The following CLASP2 variants were observed in gnomAD, a reference collection of about 807,000 sequenced individuals.
CLASP2 encodes cytoplasmic linker associated protein 2.
CLASP2 carries 47 observed loss-of-function variants against 194.4 expected under a neutral mutation model. The observed-to-expected ratio is 0.24, with a 90% CI of 0.19 to 0.31. CLASP2 has a LOEUF of 0.31. CLASP2 is among the 10% of genes least tolerant of loss of function. The probability of loss-of-function intolerance (pLI) is 1.00; values close to 1 mark genes in which losing one functional copy is unlikely to be tolerated. For missense variants in CLASP2, 1,445 were observed against 1,823.6 expected (o/e 0.79, Z 3.78); for synonymous variants, 619 against 633.5 (o/e 0.98, Z 0.34).
chr3:33,568,265 C>T (rs1229781198), intron 26 of CLASP2, among the ~76,000 whole-genome samples: 1 of 151,934 alleles, frequency 6.6e-6, no homozygotes, highest in Admixed American at 6.6e-5. Flanking sequence ...AATTATATAA[C>T]CACATGGTCA....
At chr3:33,671,534 T>G (rs1354149700) in intron 6 of CLASP2, among the ~76,000 whole-genome samples, 2 of 152,192 alleles carry the variant, frequency 1.3e-5, no homozygotes, top group Non-Finnish European at 2.9e-5. Context: ...AGGTGATTTC[T>G]GCATTTCCAT....
rs576114006 is a variant in CLASP2, at chr3:33,704,197, G to C, written c.196-7264C>G. Among the ~76,000 whole-genome samples the C allele has an allele frequency of 1.6e-4, 24 of 150,128 alleles. No homozygotes were observed. In the South Asian group the frequency reaches 4.3e-3, roughly 27 times the overall value. On this transcript the variant is annotated intron_variant, in intron 1 of 38. Coordinates refer to ENST00000682230, the MANE Select transcript of CLASP2 (RefSeq NM_001365631.1). ...AAACCTATAGCATGTACAACACTTA[G>C]AGTGAAGCCTAATGTAAACTGTGGA...
intron 1 of CLASP2, among the ~76,000 whole-genome samples, chr3:33,699,168 AT>A (rs1425290945): frequency 2.0e-5 from 3 of 152,230 alleles, no homozygotes; most frequent in African/African-American, 7.2e-5. Flanking sequence ...GTTCATACAA[AT>A]TACTCAAATT....
chr3:33,713,655 C>T (rs528070822), intron 1 of CLASP2, among the ~76,000 whole-genome samples: 5 of 152,046 alleles, frequency 3.3e-5, no homozygotes, highest in Non-Finnish European at 7.4e-5. Flanking sequence ...CACTACATAG[C>T]GCTACATAGT....
At chr3:33,632,532 A>C (rs1048503335) in intron 8 of CLASP2, among the ~76,000 whole-genome samples, 161 bp from the exon 9 acceptor site, 1 of 152,228 alleles carries the variant, frequency 6.6e-6, no homozygotes, top group Non-Finnish European at 1.5e-5. Flanking sequence ...AACTTTCAGA[A>C]AGGTCAATGT....
At chr3:33,603,940 A>G (rs975709754) in intron 17 of CLASP2, among the ~76,000 whole-genome samples, 1 of 152,220 alleles carries the variant, frequency 6.6e-6, no homozygotes, top group Admixed American at 6.5e-5. Context: ...AATTGAAAAC[A>G]GAGTGCATCA....
At chr3:33,504,565 C>G (rs2047629025) in intron 37 of CLASP2, 1 of 152,206 alleles carries the variant, frequency 6.6e-6, no homozygotes, top group African/African-American at 2.4e-5. Context: ...TTGCATGGAG[C>G]CCAAAGAACA....
intron 8 of CLASP2, among the ~76,000 whole-genome samples, chr3:33,642,924 A>G (rs2081580041): frequency 6.6e-6 from 1 of 151,870 alleles, no homozygotes; most frequent in Admixed American, 6.6e-5. Context: ...GGAAGAGAAA[A>G]AGGAGAAAGG....
At chr3:33,641,459 A>C (rs2081270467) in intron 8 of CLASP2, among the ~76,000 whole-genome samples, 2 of 151,996 alleles carry the variant, frequency 1.3e-5, no homozygotes, top group Non-Finnish European at 2.9e-5. Context: ...GCAATGATAC[A>C]TATACTGTAT....
At chr3:33,687,673 T>C (rs28608177) in intron 4 of CLASP2, among the ~76,000 whole-genome samples, 39,742 of 152,096 alleles carry the variant, frequency 0.26, 5,804 homozygotes, top group Admixed American at 0.37. Context: ...GAAAAGGAAG[T>C]AGCACTATAG....
rs368363195 is a variant in CLASP2 at position 33,573,121 on chromosome 3, C to T, written c.2688G>A (p.Gln896=). 1.9e-5 allele frequency: 30 copies of T among 1,613,542 alleles called. No individual in the cohort carries two copies. Among genetic ancestry groups the T allele is most frequent in the Non-Finnish European group, 2.3e-5 (27 of 1,179,728 alleles). Residue 896 remains glutamine, a synonymous_variant, in exon 25 of 39, where the codon CAG becomes CAA. Coordinates refer to ENST00000682230, the MANE Select transcript of CLASP2 (RefSeq NM_001365631.1). Reference sequence around the variant, plus strand: ...ACAACGCATCTCACCTTAGTGTTCTCTGATTTTTTAATAAGTTCTGCAGAC... The same window carrying T: ...ACAACGCATCTCACCTTAGTGTTCTTTGATTTTTTAATAAGTTCTGCAGAC... ...LLGLQNLLKN[Q]RTLSRVELKR... is the part of the protein sequence containing the mutation.
chr3:33,506,100 T>C (rs1005210568), intron 37 of CLASP2, among the ~76,000 whole-genome samples: 6 of 151,576 alleles, frequency 4.0e-5, no homozygotes, highest in Non-Finnish European at 7.4e-5. Context: ...ATAGGCCAGG[T>C]GCAGTGGCTC....
rs974615620 is a variant in CLASP2, at chr3:33,669,111, T to C, written c.645-5596A>G. On this transcript the variant is annotated intron_variant, in intron 6 of 38. Transcript: ENST00000682230. ...AAATTATAGGTCATCATTTTGAGCA[T>C]AGATGCAAAAATTCTAAGCACATAT... Among the ~76,000 whole-genome samples, 6 of 152,228 alleles carry C rather than the reference T, an allele frequency of 3.9e-5. No homozygotes were observed. In the East Asian group the frequency reaches 7.7e-4, roughly 20 times the overall value.
At chr3:33,599,818 T>G (rs756220742) in intron 18 of CLASP2, among the ~76,000 whole-genome samples, 3 of 152,048 alleles carry the variant, frequency 2.0e-5, no homozygotes, top group Non-Finnish European at 2.9e-5. Flanking sequence ...ACATCCTTTA[T>G]CCAACCCCTG....
At position 33,539,579 on chromosome 3, in the gene CLASP2, C is replaced by T. The variant is rs577383046; in HGVS notation, c.3405-637G>A. On this transcript the variant is annotated intron_variant, in intron 32 of 38. Transcript: ENST00000682230. ...CGAACTCCTGACCTCAGGTGATCCG[C>T]CCACCTCGGCCTCCCAAAGTGCTGG... is the stretch of plus-strand genomic sequence containing the variant. 1.8e-4 allele frequency among the ~76,000 whole-genome samples: 27 copies of T among 152,272 alleles called. No homozygotes were observed. The East Asian group carries it at 4.8e-3, about 27-fold the overall frequency.
Position 33,626,396 on chromosome 3 carries a change from T to G in CLASP2, c.1035+592A>C, listed in dbSNP as rs181268869. On this transcript the variant is annotated intron_variant, in intron 10 of 38. Coordinates refer to ENST00000682230, the MANE Select transcript of CLASP2 (RefSeq NM_001365631.1). Reference sequence around the variant, plus strand: ...ACAATAAGTTCACAAATTTAAAAAATATATTGCTTATTGTCAACACAAATA... The same window carrying G: ...ACAATAAGTTCACAAATTTAAAAAAGATATTGCTTATTGTCAACACAAATA... Among the ~76,000 whole-genome samples, 481 of 152,280 alleles carry G rather than the reference T, an allele frequency of 3.2e-3. 2 individuals carry two copies. Among genetic ancestry groups the G allele is most frequent in the Non-Finnish European group, 6.1e-3 (417 of 67,986 alleles).
chr3:33,566,801 A>T, intron 26 of CLASP2, 67 bp from the exon 27 acceptor site: 1 of 426,288 alleles, frequency 2.3e-6, no homozygotes, highest in South Asian at 1.7e-5. Flanking sequence ...AAAAACACAC[A>T]AATTAGTCGC....
chr3:33,657,880 T>C (rs1475547443), intron 7 of CLASP2, among the ~76,000 whole-genome samples: 1 of 152,112 alleles, frequency 6.6e-6, no homozygotes, highest in African/African-American at 2.4e-5. Flanking sequence ...CCTAGGGGAA[T>C]TACTTCTTAG....
intron 34 of CLASP2, 44 bp downstream of exon 34, chr3:33,535,189 C>T (rs1488842677): frequency 3.0e-6 from 4 of 1,347,584 alleles, no homozygotes; most frequent in Non-Finnish European, 4.2e-6. Flanking sequence ...CATCAATTAC[C>T]AAGTTCTCCA....
Sources: allele counts gnomAD v4.1 joint callset (sites outside exome capture counted in the v4.1 genomes callset), GRCh38; gene constraint gnomAD v4.1.1; transcripts MANE v1.5; gene names NCBI Gene and HGNC (gene_info 2026-07-23, HGNC 2026-07-21).